Variants in ASTN1 observed in about 807,000 individuals in gnomAD.
ASTN1 encodes the protein astrotactin-1.
In ASTN1, 41 loss-of-function variants were observed where a neutral mutation model predicts 140.7. That is an observed-to-expected ratio of 0.29 (90% confidence interval 0.23 to 0.38). ASTN1 has a LOEUF of 0.38. ASTN1 is among the 10% of genes least tolerant of loss of function. The probability of loss-of-function intolerance (pLI) is 1.00; values close to 1 mark genes in which losing one functional copy is unlikely to be tolerated. For missense variants in ASTN1, 1,479 were observed against 1,678.8 expected, an observed-to-expected ratio of 0.88 and a Z score of 2.08; for synonymous variants, 640 against 652.2, an observed-to-expected ratio of 0.98 and a Z score of 0.29.
chr1:177,029,616 C>T lies in ASTN1; in HGVS notation c.1120+18G>A. ...TCCCAGATCCTTTACCACCTTCTGC[C>T]ACCTCTATCATTCCTACCTCTACTA... On this transcript the variant is annotated intron_variant, in intron 5 of 22. Coordinates refer to ENST00000361833, the MANE Select transcript of ASTN1 (RefSeq NM_004319.3). 2 of 1,609,968 alleles carry T rather than the reference C, an allele frequency of 1.2e-6. No individual in the cohort carries two copies. The highest frequency in any genetic ancestry group is 2.2e-5 in the South Asian group (2 of 90,544).
At chr1:177,022,275 A>C (rs966541794) in intron 7 of ASTN1, among the ~76,000 whole-genome samples, 1 of 152,160 alleles carries the variant, frequency 6.6e-6, no homozygotes, top group African/African-American at 2.4e-5. Context: ...GGGTGGCTGC[A>C]CATGCTGTAC....
At chr1:177,045,153 T>C (rs992523847) in intron 2 of ASTN1, among the ~76,000 whole-genome samples, 6 of 152,220 alleles carry the variant, frequency 3.9e-5, no homozygotes, top group Admixed American at 3.3e-4. Context: ...CTCTGATCCA[T>C]AGACATATCA....
intron 16 of ASTN1, among the ~76,000 whole-genome samples, chr1:176,915,569 C>T (rs1475809634): frequency 6.6e-6 from 1 of 152,202 alleles, no homozygotes; most frequent in East Asian, 1.9e-4. Flanking sequence ...GGCCTGCTGA[C>T]ACCAGCTTCC....
At chr1:177,027,492 A>G (rs546095000) in intron 5 of ASTN1, among the ~76,000 whole-genome samples, 10 of 150,540 alleles carry the variant, frequency 6.6e-5, no homozygotes, top group Non-Finnish European at 1.2e-4. Flanking sequence ...ACTCAGTCAC[A>G]TGGCATGTGC....
chr1:176,985,845 T>TACACACACACACACACACACAC (rs60769752), intron 8 of ASTN1, among the ~76,000 whole-genome samples: 1 of 129,668 alleles, frequency 7.7e-6, no homozygotes, highest in Non-Finnish European at 1.6e-5. Flanking sequence ...TCTCTCTCTC[T>TACACACACACACACACACACAC]ACACACACAC....
At chr1:177,025,718 A>G (rs1676074680) in intron 5 of ASTN1, among the ~76,000 whole-genome samples, 2 of 152,246 alleles carry the variant, frequency 1.3e-5, no homozygotes, top group Non-Finnish European at 2.9e-5. Context: ...GCTTTCTTAC[A>G]ATAAGCCTAT....
chr1:176,946,511 C>G (rs561403359), intron 12 of ASTN1, among the ~76,000 whole-genome samples: 1 of 152,280 alleles, frequency 6.6e-6, no homozygotes, highest in South Asian at 2.1e-4. Flanking sequence ...CATGGTCAGA[C>G]CCTGCATTTG....
intron 11 of ASTN1, among the ~76,000 whole-genome samples, chr1:176,956,569 C>A (rs972496431): frequency 2.0e-5 from 3 of 152,218 alleles, no homozygotes; most frequent in African/African-American, 7.2e-5. Flanking sequence ...GAGCTGGAAG[C>A]TCCTGCTCCA....
intron 16 of ASTN1, among the ~76,000 whole-genome samples, chr1:176,902,226 TGTTGAC>T (rs1669798046): frequency 6.6e-6 from 1 of 152,252 alleles, no homozygotes; most frequent in South Asian, 2.1e-4. Flanking sequence ...CTCCAATCCC[TGTTGAC>T]GTTTTTCTTT....
chr1:176,903,781 T>C (rs1027033133), intron 16 of ASTN1, among the ~76,000 whole-genome samples: 2 of 152,198 alleles, frequency 1.3e-5, no homozygotes, highest in South Asian at 4.1e-4. Context: ...AACAACAGCA[T>C]GCATTCCCTT....
At chr1:177,021,243 G>T (rs537815027) in intron 7 of ASTN1, among the ~76,000 whole-genome samples, 5 of 152,284 alleles carry the variant, frequency 3.3e-5, no homozygotes, top group Admixed American at 2.0e-4. Flanking sequence ...ATTATTTTTA[G>T]TCTTCCTCTG....
At chr1:176,884,564 G>GT in intron 18 of ASTN1, 74 bp from the exon 19 acceptor site, 1 of 1,484,216 alleles carries the variant, frequency 6.7e-7, no homozygotes, top group South Asian at 1.3e-5. Context: ...TACCTCAATT[G>GT]TGATACTGTA....
At chr1:176,912,680 C>T (rs1256522573) in intron 16 of ASTN1, among the ~76,000 whole-genome samples, 1 of 152,100 alleles carries the variant, frequency 6.6e-6, no homozygotes, top group Admixed American at 6.5e-5. Flanking sequence ...TTTCTTTTAA[C>T]CACTAAGCTA....
At chr1:177,144,180 G>A (rs549865719) in intron 1 of ASTN1, among the ~76,000 whole-genome samples, 8 of 149,278 alleles carry the variant, frequency 5.4e-5, no homozygotes, top group South Asian at 2.1e-4. Context: ...CCAGGTTACT[G>A]GACTAAATAG....
Position 176,882,998 on chromosome 1 carries a change from C to T in ASTN1, c.3227-4G>A, listed in dbSNP as rs377735508. The T allele has an allele frequency of 1.9e-6, 3 of 1,613,970 alleles. No individual in the cohort carries two copies. Among genetic ancestry groups the T allele is most frequent in the Non-Finnish European group, 2.5e-6 (3 of 1,179,948 alleles). ...TCCACAAAGCTCAGCACTGTTTCTG[C>T]CCAGAGGAGAAGGAATGGAAAAAGC... On this transcript the variant is annotated splice_polypyrimidine_tract_variant and splice_region_variant and intron_variant, in intron 19 of 22. Transcript: ENST00000361833.
At chr1:177,033,878 G>A (rs1676577744) in intron 2 of ASTN1, among the ~76,000 whole-genome samples, 1 of 152,158 alleles carries the variant, frequency 6.6e-6, no homozygotes, top group Admixed American at 6.5e-5. Context: ...TAGAGGGACA[G>A]CCTTTAAGCT....
chr1:176,970,660 G>C (rs1673104291), intron 8 of ASTN1, among the ~76,000 whole-genome samples: 1 of 151,996 alleles, frequency 6.6e-6, no homozygotes, highest in African/African-American at 2.4e-5. Context: ...AAGGAAAGTA[G>C]GGAGATAAGC....
chr1:177,147,277 C>T (rs1379769327), intron 1 of ASTN1, among the ~76,000 whole-genome samples: 1 of 152,170 alleles, frequency 6.6e-6, no homozygotes, highest in Non-Finnish European at 1.5e-5. Flanking sequence ...CTATGGAACA[C>T]TTAGAAGGCT....
chr1:177,077,794 T>C (rs1023517800), intron 1 of ASTN1, among the ~76,000 whole-genome samples: 1 of 152,134 alleles, frequency 6.6e-6, no homozygotes, highest in Non-Finnish European at 1.5e-5. Flanking sequence ...AGCCAGCCTT[T>C]CCTGAGGCCC....
Sources: gnomAD v4.1 joint callset for allele counts (sites outside exome capture counted in the v4.1 genomes callset) on GRCh38, gnomAD v4.1.1 for gene constraint, MANE v1.5 for transcripts, NCBI Gene and HGNC (gene_info 2026-07-23, HGNC 2026-07-21) for gene names.